The following FBXO31 variants were observed in gnomAD, a reference collection of about 807,000 sequenced individuals.
The protein encoded by FBXO31 is F-box only protein 31.
In FBXO31, 24 loss-of-function variants were observed where a neutral mutation model predicts 54.4. That is an observed-to-expected ratio of 0.44 (90% CI 0.32 to 0.62). FBXO31 has a LOEUF of 0.62. FBXO31 is among the 20% of genes least tolerant of loss of function. The pLI, the probability that FBXO31 is intolerant of heterozygous loss-of-function variation, is 0.05. For missense variants in FBXO31, 665 were observed against 787.1 expected, an observed-to-expected ratio of 0.84 and a Z score of 1.86; for synonymous variants, 388 against 335.6, an observed-to-expected ratio of 1.16 and a Z score of -1.71.
intron 2 of FBXO31, among the ~76,000 whole-genome samples, chr16:87,347,453 G>A (rs989982359): frequency 2.0e-5 from 3 of 152,094 alleles, no homozygotes; most frequent in Non-Finnish European, 2.9e-5. Flanking sequence ...CAGCACTTTG[G>A]GCGGATTACA....
chr16:87,381,617 G>A (rs1314784237), intron 1 of FBXO31, among the ~76,000 whole-genome samples: 1 of 152,236 alleles, frequency 6.6e-6, no homozygotes, highest in Non-Finnish European at 1.5e-5. Context: ...AGGACTTGGA[G>A]AAAGGGTTCT....
At chr16:87,389,182 A>AT (rs1355782086) in intron 1 of FBXO31, among the ~76,000 whole-genome samples, 1 of 151,970 alleles carries the variant, frequency 6.6e-6, no homozygotes, top group Non-Finnish European at 1.5e-5. Flanking sequence ...ATTTAACTAA[A>AT]TGTGTTATTC....
At chr16:87,386,582 TGC>T (rs1237640417), upstream of FBXO31, among the ~76,000 whole-genome samples, 1 of 152,098 alleles carries the variant, frequency 6.6e-6, no homozygotes, top group Non-Finnish European at 1.5e-5. Context: ...TACAGGCGAG[TGC>T]CACCACACTT....
intron 4 of FBXO31, 49 bp from the exon 5 acceptor site, chr16:87,343,000 A>G (rs749490300): frequency 1.9e-5 from 29 of 1,499,304 alleles, no homozygotes; most frequent in Non-Finnish European, 2.6e-5. Context: ...AACAGAGTCC[A>G]TCACAGCATC....
chr16:87,383,601 G>A lies in FBXO31; in HGVS notation c.144C>T (p.Ala48=), dbSNP rs781507438. 2.7e-6 allele frequency: 4 copies of A among 1,472,240 alleles called. No homozygotes were observed. Among genetic ancestry groups the A allele is most frequent in the African/African-American group, 1.5e-5 (1 of 67,864 alleles). 91.2% of individuals were successfully genotyped at this position (1,472,240 alleles called of 1,614,324 possible). Residue 48 remains alanine, a synonymous_variant, in exon 1 of 9, where the codon GCC becomes GCT. Transcript: ENST00000311635. This position sits in a 1 kb window ranked among gnomAD's most constrained non-coding sequence, Gnocchi z 4.9. ...DPEEERIEAS[A]GVGGGLCAGP... is the part of the protein sequence containing the mutation. ...CCGCGCACAAGCCGCCCCCGACCCC[G>A]GCGCTAGCCTCGATGCGCTCCTCCT...
intron 8 of FBXO31, among the ~76,000 whole-genome samples, chr16:87,332,511 T>C (rs1904894776): frequency 1.3e-5 from 2 of 152,252 alleles, no homozygotes; most frequent in Admixed American, 6.5e-5. Context: ...TTTTTAGCTA[T>C]TCAAACATTT....
rs745911504 is a variant in FBXO31 at position 87,383,499 on chromosome 16, C to T, written c.246G>A (p.Leu82=). ...PELLVEIFAS[L]PGTDLPSLAQ... The stretch of plus-strand genomic sequence containing the variant: ...CCAAGCTGGGTAGGTCCGTGCCCGG[C>T]AGCGACGCGAAGATCTCCACCAGCA... Residue 82 remains leucine, a synonymous_variant, in exon 1 of 9, where the codon CTG becomes CTA. Transcript: ENST00000311635. The surrounding 1 kb of genome is among the most constrained non-coding windows in gnomAD (Gnocchi z 4.9). The T allele has an allele frequency of 1.9e-6, 3 of 1,587,420 alleles. No individual in the cohort carries two copies. The highest frequency in any genetic ancestry group is 1.4e-5 in the African/African-American group (1 of 71,756).
intron 1 of FBXO31, among the ~76,000 whole-genome samples, chr16:87,380,206 G>A (rs987508174): frequency 7.0e-6 from 1 of 142,674 alleles, no homozygotes; most frequent in Non-Finnish European, 1.5e-5. Flanking sequence ...GCTGAGGCAG[G>A]AGAATTGCTT....
rs1361785589 is a variant in FBXO31, at chr16:87,336,544, C to T, written c.733-280G>A. Among the ~76,000 whole-genome samples the T allele has an allele frequency of 1.3e-5, 2 of 152,112 alleles. No homozygotes were observed. The highest frequency in any genetic ancestry group is 2.4e-5 in the African/African-American group (1 of 41,414). On this transcript the variant is annotated intron_variant, in intron 5 of 8. Coordinates refer to ENST00000311635, the MANE Select transcript of FBXO31 (RefSeq NM_024735.5). This position sits in a 1 kb window ranked among gnomAD's most constrained non-coding sequence, Gnocchi z 6.5. The stretch of plus-strand genomic sequence containing the variant: ...GGGGCTACAGGGAGCCCAGGTGAGG[C>T]GGGGGCCACAGCCATGACCAGAACT...
chr16:87,352,627 C>T (rs1404169541), intron 2 of FBXO31, among the ~76,000 whole-genome samples: 1 of 152,112 alleles, frequency 6.6e-6, no homozygotes, highest in Non-Finnish European at 1.5e-5. Context: ...CATCAAGTTC[C>T]CAGAAGACAT....
chr16:87,353,455 C>T (rs1039106235), intron 2 of FBXO31, among the ~76,000 whole-genome samples: 1 of 152,224 alleles, frequency 6.6e-6, no homozygotes, highest in Non-Finnish European at 1.5e-5. Context: ...GCCGTGAGCA[C>T]GTTAGGGTAA....
At position 87,335,320 on chromosome 16, in the gene FBXO31, C is replaced by T. The variant is rs781322189; in HGVS notation, c.980G>A (p.Arg327Lys). 6.2e-7 allele frequency: 1 copy of T among 1,613,836 alleles called. No homozygotes were observed. Among genetic ancestry groups the T allele is most frequent in the South Asian group, 1.1e-5 (1 of 91,082 alleles). The change falls in exon 7 of 9, where the codon AGG becomes AAG. Residue 327 changes from arginine (R) to lysine (K), a missense_variant. By Grantham distance (26) the Arg-to-Lys change is conservative (BLOSUM62 2). Coordinates refer to ENST00000311635, the MANE Select transcript of FBXO31 (RefSeq NM_024735.5). The surrounding 1 kb of genome is among the most constrained non-coding windows in gnomAD (Gnocchi z 5.7). ...VMLSFHGRRARGTKITGDPNI... is the reference protein window; with the variant it reads ...VMLSFHGRRAKGTKITGDPNI... ...GCCACTCACCGTGATCTTGGTGCCC[C>T]TGGCACGCCGGCCGTGGAAGCTGAG...
intron 1 of FBXO31, among the ~76,000 whole-genome samples, chr16:87,361,901 G>A (rs1333635983): frequency 2.0e-5 from 3 of 152,178 alleles, no homozygotes; most frequent in South Asian, 4.1e-4. Flanking sequence ...AAGGCTCCTA[G>A]AAGGCCTGTG....
At chr16:87,333,392 C>T (rs1904930779) in intron 8 of FBXO31, among the ~76,000 whole-genome samples, 2 of 152,212 alleles carry the variant, frequency 1.3e-5, no homozygotes, top group Admixed American at 6.5e-5. Flanking sequence ...GGACCCACAT[C>T]TGAACCACGC....
At position 87,359,573 on chromosome 16, in the gene FBXO31, C is replaced by T. The variant is rs1906043687; in HGVS notation, c.412+722G>A. 2.0e-5 allele frequency among the ~76,000 whole-genome samples: 3 copies of T among 152,176 alleles called. No homozygotes were observed. In the South Asian group the frequency reaches 6.2e-4, roughly 31 times the overall value. Reference sequence around the variant, plus strand: ...CCTAAGAAACTCAAAGAGCAACTGCCTTGCAGAAATGAAAAAGAAAAAAGA... The same window carrying T: ...CCTAAGAAACTCAAAGAGCAACTGCTTTGCAGAAATGAAAAAGAAAAAAGA... On this transcript the variant is annotated intron_variant, in intron 2 of 8. Transcript: ENST00000311635.
intron 3 of FBXO31, among the ~76,000 whole-genome samples, chr16:87,344,396 G>A (rs1256075869): frequency 6.6e-6 from 1 of 152,236 alleles, no homozygotes; most frequent in Non-Finnish European, 1.5e-5. Flanking sequence ...GGCGCCGATC[G>A]TGCAAATGCA....
chr16:87,372,749 T>TC (rs921399080), intron 1 of FBXO31, among the ~76,000 whole-genome samples: 6 of 150,600 alleles, frequency 4.0e-5, no homozygotes, highest in Admixed American at 2.0e-4. Context: ...TTTTTTTTTT[T>TC]TGAGACAGAG....
In FBXO31 at chr16:87,335,430, G is replaced by A. The variant is rs901133490; in HGVS notation, c.870C>T (p.Tyr290=). 1 of 1,613,424 alleles carries A rather than the reference G, an allele frequency of 6.2e-7. No homozygotes were observed. The highest frequency in any genetic ancestry group is 8.5e-7 in the Non-Finnish European group (1 of 1,179,914). ...GGTCGTCGGGGCGGCTGGGCGGCAG[G>A]TAGATGCGGCGGTAGGTCAGGCAGT... is the stretch of plus-strand genomic sequence containing the variant. ...YDNCLTYRRI[Y]LPPSRPDDLI... Residue 290 remains tyrosine, a synonymous_variant, in exon 7 of 9, where the codon TAC becomes TAT. Coordinates refer to ENST00000311635, the MANE Select transcript of FBXO31 (RefSeq NM_024735.5). The surrounding 1 kb of genome is among the most constrained non-coding windows in gnomAD (Gnocchi z 5.7).
rs574255430 is a variant in FBXO31 at position 87,359,291 on chromosome 16, C to T, written c.412+1004G>A. On this transcript the variant is annotated intron_variant, in intron 2 of 8. Transcript: ENST00000311635. ...CTGTGCCCACCCCCTGCCCTACCCT[C>T]GGCCACACTGCCTCCTGCCTGCCTA... 1.6e-4 allele frequency among the ~76,000 whole-genome samples: 25 copies of T among 152,336 alleles called. No homozygotes were observed. In the East Asian group the frequency reaches 3.1e-3, roughly 19 times the overall value.
Sources: gnomAD v4.1 joint callset for allele counts (sites outside exome capture counted in the v4.1 genomes callset) on GRCh38, gnomAD v4.1.1 for gene constraint, Gnocchi (gnomAD v3.1) non-coding constraint, MANE v1.5 for transcripts, NCBI Gene and HGNC (gene_info 2026-07-23, HGNC 2026-07-21) for gene names.